The following GRIK2 variants were observed in gnomAD, a reference collection of about 807,000 sequenced individuals.
GRIK2 encodes glutamate ionotropic receptor kainate type subunit 2, also known as glutamate receptor ionotropic, kainate 2.
In GRIK2, 32 loss-of-function variants were observed where a neutral mutation model predicts 100.3. That is an observed-to-expected ratio of 0.32 (90% CI 0.24 to 0.43). The LOEUF is 0.43. Among genes scored for constraint, GRIK2 ranks in the 20% least tolerant of loss-of-function variants. The pLI is 1.00. For synonymous variants in GRIK2, 417 were observed against 389.4 expected (o/e 1.07, Z -0.83); for missense variants, 843 against 1,114.9 (o/e 0.76, Z 3.47).
At chr6:101,714,199 T>C (rs746266599) in intron 7 of GRIK2, among the ~76,000 whole-genome samples, 2 of 151,712 alleles carry the variant, frequency 1.3e-5, no homozygotes, top group Non-Finnish European at 3.0e-5. Context: ...GTTCTTTTTT[T>C]TGTCAGGAGA....
chr6:101,882,211 T>C (rs934765083), intron 11 of GRIK2, among the ~76,000 whole-genome samples: 4 of 152,030 alleles, frequency 2.6e-5, no homozygotes, highest in Admixed American at 2.6e-4. Context: ...TAAAAAGAGA[T>C]TTGGGTGGGG....
intron 7 of GRIK2, among the ~76,000 whole-genome samples, chr6:101,797,283 C>A (rs1246618211): frequency 2.0e-5 from 3 of 151,316 alleles, no homozygotes; most frequent in Non-Finnish European, 4.4e-5. Context: ...GATTAATTCA[C>A]AAGAGTTAAA....
chr6:101,992,238 A>G lies in GRIK2; in HGVS notation c.2086-43103A>G, dbSNP rs1316779618. On this transcript the variant is annotated intron_variant, in intron 14 of 16. Transcript: ENST00000369134. ...CAGGATGTTGCTCCCAAGGAAAGAC[A>G]CCGTTACATGACCTCTGATTAATCT... Among the ~76,000 whole-genome samples, 3 of 151,726 alleles carry G rather than the reference A, an allele frequency of 2.0e-5. No homozygotes were observed. In the East Asian group the frequency reaches 5.8e-4, roughly 29 times the overall value.
intron 2 of GRIK2, among the ~76,000 whole-genome samples, chr6:101,499,760 T>G (rs1406682436): frequency 1.3e-5 from 2 of 152,146 alleles, no homozygotes; most frequent in Non-Finnish European, 2.9e-5. Flanking sequence ...CTATGTTAGG[T>G]TTATTAGCTT....
intron 10 of GRIK2, among the ~76,000 whole-genome samples, chr6:101,842,818 T>A (rs1316431417): frequency 6.6e-6 from 1 of 152,088 alleles, no homozygotes; most frequent in African/African-American, 2.4e-5. Context: ...AACTTTTGAG[T>A]GGGATGTGGG....
At chr6:102,060,925 C>G (rs1469164052) in intron 16 of GRIK2, among the ~76,000 whole-genome samples, 1 of 150,410 alleles carries the variant, frequency 6.6e-6, no homozygotes, top group Non-Finnish European at 1.5e-5. Flanking sequence ...ACTTGTTCTT[C>G]ACAAGTTAAA....
intron 2 of GRIK2, among the ~76,000 whole-genome samples, chr6:101,551,527 G>A (rs552873839): frequency 6.6e-6 from 1 of 152,098 alleles, no homozygotes; most frequent in Non-Finnish European, 1.5e-5. Context: ...GTTAGTCATT[G>A]GACATGGCCA....
chr6:101,706,391 G>C (rs928866792), intron 7 of GRIK2, among the ~76,000 whole-genome samples: 1 of 151,538 alleles, frequency 6.6e-6, no homozygotes. Context: ...TTCTCATATT[G>C]TTGTATATTT....
chr6:101,885,572 A>G (rs1301127296), intron 11 of GRIK2, among the ~76,000 whole-genome samples: 2 of 152,060 alleles, frequency 1.3e-5, no homozygotes, highest in African/African-American at 2.4e-5. Context: ...TCCAAATAAT[A>G]TAGCACATTT....
chr6:101,918,727 T>G (rs892513760), intron 12 of GRIK2, among the ~76,000 whole-genome samples: 1 of 151,682 alleles, frequency 6.6e-6, no homozygotes, highest in African/African-American at 2.4e-5. Context: ...TCTCAAAACT[T>G]GTAGTCATTC....
At chr6:101,861,603 C>CAAAT (rs1291534861) in intron 11 of GRIK2, among the ~76,000 whole-genome samples, 3 of 152,028 alleles carry the variant, frequency 2.0e-5, no homozygotes, top group Non-Finnish European at 4.4e-5. Context: ...AAAAACAAAA[C>CAAAT]AAATAATATT....
chr6:101,717,420 A>G (rs1774149988), intron 7 of GRIK2, among the ~76,000 whole-genome samples: 1 of 151,952 alleles, frequency 6.6e-6, no homozygotes, highest in African/African-American at 2.4e-5. Context: ...TCAAAAATGG[A>G]TATATTCAAG....
chr6:102,055,490 C>G lies in GRIK2; in HGVS notation c.2472C>G (p.Phe824Leu). ...GGGTTCAGAATATTGGTGGCATCTT[C>G]ATTGTTCTGGCAGCCGGCTTGGTGC... The part of the protein sequence containing the change: ...ALGVQNIGGI[F>L]IVLAAGLVLS... Residue 824 changes from phenylalanine to leucine, a missense_variant, in exon 16 of 17, where the codon TTC (phenylalanine) becomes TTG (leucine). By Grantham distance (22) the Phe-to-Leu change is conservative. Around this residue, in one of 3 missense-constraint regions of GRIK2, gnomAD observed 237 missense variants for 388.0 expected, o/e 0.61. Coordinates refer to ENST00000369134, the MANE Select transcript of GRIK2 (RefSeq NM_021956.5). 6.2e-7 allele frequency: 1 copy of G among 1,613,694 alleles called. No homozygotes were observed. The highest frequency in any genetic ancestry group is 8.5e-7 in the Non-Finnish European group (1 of 1,179,708).
chr6:101,489,440 G>A lies in GRIK2; in HGVS notation c.115+90048G>A, dbSNP rs1244467110. Among the ~76,000 whole-genome samples the A allele has an allele frequency of 5.5e-5, 8 of 144,774 alleles. 1 individual carries two copies. Among genetic ancestry groups the A allele is most frequent in the South Asian group, 2.2e-4 (1 of 4,590 alleles). The allele number at this position is 144,774 out of a possible 152,430, so 95.0% of individuals were successfully genotyped here. A position where few individuals can be genotyped will look rare whatever the true frequency, so the allele number is the denominator to read the frequency against. ...ATATAGGCACTTTTATCCTCCCCCC[G>A]CCCGCCCACACTGATTCATTCATTT... On this transcript the variant is annotated intron_variant, in intron 2 of 16. Transcript: ENST00000369134.
At chr6:102,050,133 G>C (rs1771094043) in intron 15 of GRIK2, among the ~76,000 whole-genome samples, 1 of 151,940 alleles carries the variant, frequency 6.6e-6, no homozygotes, top group Non-Finnish European at 1.5e-5. Context: ...GGTAGTAAAA[G>C]GGCTATAGAA....
chr6:101,933,603 G>T (rs1790425643), intron 14 of GRIK2, among the ~76,000 whole-genome samples: 1 of 151,868 alleles, frequency 6.6e-6, no homozygotes, highest in Non-Finnish European at 1.5e-5. Context: ...ATTATTATCT[G>T]CTATGTGTGC....
rs143169540 is a variant in GRIK2, at chr6:101,532,709, G to GTA, written c.116-89229_116-89228dup. Among the ~76,000 whole-genome samples, 1,352 of 150,824 alleles carry GTA rather than the reference G, an allele frequency of 9.0e-3. 17 individuals carry two copies. Among genetic ancestry groups the GTA allele is most frequent in the African/African-American group, 0.03 (1,230 of 41,214 alleles). On this transcript the variant is annotated intron_variant, in intron 2 of 16. Transcript: ENST00000369134. Reference sequence around the variant, plus strand: ...TACATACACACACACATACATATATGTATATATATATAATGGAATCTTAAA... The same window carrying GTA: ...TACATACACACACACATACATATATGTATATATATATATAATGGAATCTTAAA...
At chr6:101,759,921 C>CCGGACTG (rs1010519984) in intron 7 of GRIK2, among the ~76,000 whole-genome samples, 1 of 130,666 alleles carries the variant, frequency 7.7e-6, no homozygotes, top group African/African-American at 3.6e-5. Flanking sequence ...GTCGCCCAGG[C>CCGGACTG]CGGACTGCGG....
intron 2 of GRIK2, among the ~76,000 whole-genome samples, chr6:101,568,506 C>A (rs1777386032): frequency 6.6e-6 from 1 of 152,040 alleles, no homozygotes; most frequent in African/African-American, 2.4e-5. Context: ...TGTTTATCTA[C>A]TTTACTAAAC....
Sources: allele counts gnomAD v4.1 joint callset (sites outside exome capture counted in the v4.1 genomes callset), GRCh38; gene constraint gnomAD v4.1.1; regional missense constraint gnomAD v4.1.1; transcripts MANE v1.5; gene names NCBI Gene and HGNC (gene_info 2026-07-23, HGNC 2026-07-21).